The following MSRA variants were observed in gnomAD, a reference collection of about 807,000 sequenced individuals.
MSRA encodes methionine sulfoxide reductase A.
MSRA carries 54 observed loss-of-function variants against 31.3 expected under a neutral mutation model. The observed-to-expected ratio is 1.73, with a 90% CI of 1.39 to 2.17. MSRA has a LOEUF of 2.17. Among genes scored for constraint, MSRA ranks in the 30% most tolerant of loss-of-function variants. The pLI is 0.00. For synonymous variants in MSRA, 169 were observed against 116.5 expected (o/e 1.45, Z -2.90); for missense variants, 507 against 300.9 (o/e 1.69, Z -5.07).
At chr8:10,415,481 C>T (rs935665627) in intron 5 of MSRA, among the ~76,000 whole-genome samples, 1 of 152,080 alleles carries the variant, frequency 6.6e-6, no homozygotes, top group African/African-American at 2.4e-5. Context: ...CCCCTTGTAC[C>T]ACTGTGATTG....
At chr8:10,229,150 G>A (rs913573583) in intron 2 of MSRA, among the ~76,000 whole-genome samples, 3 of 152,176 alleles carry the variant, frequency 2.0e-5, no homozygotes, top group African/African-American at 7.2e-5. Context: ...CCTGCTGTGT[G>A]ACTCAGAGAC....
At chr8:10,126,436 C>G (rs1462214263) in intron 1 of MSRA, among the ~76,000 whole-genome samples, 1 of 152,196 alleles carries the variant, frequency 6.6e-6, no homozygotes, top group Non-Finnish European at 1.5e-5. Context: ...AGTTTTTCCA[C>G]AGACTGGGGG....
intron 2 of MSRA, among the ~76,000 whole-genome samples, chr8:10,233,775 A>G (rs1811698775): frequency 6.6e-6 from 1 of 152,252 alleles, no homozygotes; most frequent in Admixed American, 6.5e-5. Context: ...ATATTTGAGA[A>G]TATAATAGCT....
chr8:10,184,791 G>A (rs548061328), intron 1 of MSRA, among the ~76,000 whole-genome samples: 36 of 152,224 alleles, frequency 2.4e-4, no homozygotes, highest in South Asian at 1.0e-3. Flanking sequence ...ACACACAGTC[G>A]TATAACTGAC....
At chr8:10,188,801 C>T (rs1407339480) in intron 1 of MSRA, among the ~76,000 whole-genome samples, 2 of 152,190 alleles carry the variant, frequency 1.3e-5, no homozygotes, top group Non-Finnish European at 2.9e-5. Context: ...GTCCTGAAAT[C>T]AGGTAGTGGA....
At chr8:10,144,675 T>C (rs1213040048) in intron 1 of MSRA, among the ~76,000 whole-genome samples, 1 of 151,406 alleles carries the variant, frequency 6.6e-6, no homozygotes, top group South Asian at 2.1e-4. Context: ...TAATTCTGAT[T>C]GGCTAAATTA....
chr8:10,207,718 T>G (rs903312483), intron 1 of MSRA, 115 bp from the exon 2 acceptor site: 2 of 888,094 alleles, frequency 2.3e-6, no homozygotes, highest in African/African-American at 3.4e-5. Context: ...GAGGGTAAGC[T>G]TGGGTGCATT....
At chr8:10,084,816 G>A (rs892590986) in intron 1 of MSRA, among the ~76,000 whole-genome samples, 1 of 152,138 alleles carries the variant, frequency 6.6e-6, no homozygotes, top group African/African-American at 2.4e-5. Context: ...ATTTTAGAAT[G>A]TTTTTAATCT....
chr8:10,395,887 A>G (rs1251572107), intron 5 of MSRA, among the ~76,000 whole-genome samples: 1 of 152,204 alleles, frequency 6.6e-6, no homozygotes, highest in Non-Finnish European at 1.5e-5. Flanking sequence ...CCTTCTGTAC[A>G]AAAGCTGAAA....
intron 5 of MSRA, among the ~76,000 whole-genome samples, chr8:10,378,607 G>A (rs1222900000): frequency 6.6e-6 from 1 of 152,164 alleles, no homozygotes; most frequent in Non-Finnish European, 1.5e-5. Flanking sequence ...CACCACGTGG[G>A]CTCCTAACAT....
rs912113607 is a variant in MSRA at position 10,095,522 on chromosome 8, G to C, written c.142+40864G>C. ...CACAGCCTGGACCTCCGCCAAGACT[G>C]CTCGGAAGGTTGCCATACTGGGAGC... is the stretch of plus-strand genomic sequence containing the variant. On this transcript the variant is annotated intron_variant, in intron 1 of 5. Transcript: ENST00000317173. 90 of 985,384 alleles carry C rather than the reference G, an allele frequency of 9.1e-5. No individual in the cohort carries two copies. In the Admixed American group the frequency reaches 1.1e-3, roughly 12 times the overall value. The allele number at this position is 985,384 out of a possible 1,614,324, so 61.0% of individuals were successfully genotyped here.
chr8:10,257,039 G>C (rs1294351746), intron 3 of MSRA, among the ~76,000 whole-genome samples: 1 of 152,202 alleles, frequency 6.6e-6, no homozygotes, highest in East Asian at 1.9e-4. Context: ...CAGCATTTTA[G>C]TTATATCAGG....
intron 1 of MSRA, among the ~76,000 whole-genome samples, chr8:10,168,553 A>G (rs558110721): frequency 2.0e-5 from 3 of 152,300 alleles, no homozygotes; most frequent in South Asian, 4.1e-4. Flanking sequence ...TTTAAACAGT[A>G]CCATTTAAAC....
intron 1 of MSRA, among the ~76,000 whole-genome samples, chr8:10,192,339 C>T (rs1807581208): frequency 6.6e-6 from 1 of 152,218 alleles, no homozygotes; most frequent in South Asian, 2.1e-4. Context: ...CTCAAGTTCA[C>T]TGAGCCTTTC....
rs373121180 is a variant in MSRA, at chr8:10,332,451, T to TCCCC, written c.543+12465_543+12468dup. Among the ~76,000 whole-genome samples the TCCCC allele has an allele frequency of 1.9e-3, 276 of 146,358 alleles. 1 individual carries two copies. Among genetic ancestry groups the TCCCC allele is most frequent in the Middle Eastern group, 3.6e-3 (1 of 280 alleles). On this transcript the variant is annotated intron_variant, in intron 5 of 5. Transcript: ENST00000317173. Reference sequence around the variant, plus strand: ...GACTTACCTTAGTCAAAAAGAAAAATCCCCCCTCCCCACCGTATGCCTAGC... The same window carrying TCCCC: ...GACTTACCTTAGTCAAAAAGAAAAATCCCCCCCCCCTCCCCACCGTATGCCTAGC...
intron 3 of MSRA, among the ~76,000 whole-genome samples, chr8:10,283,135 C>A (rs1331781855): frequency 2.2e-5 from 3 of 138,154 alleles, no homozygotes; most frequent in African/African-American, 5.5e-5. Context: ...ACATTACACA[C>A]ACACACACAC....
At chr8:10,155,847 T>C (rs567901565) in intron 1 of MSRA, among the ~76,000 whole-genome samples, 2 of 152,080 alleles carry the variant, frequency 1.3e-5, no homozygotes, top group Admixed American at 6.6e-5. Context: ...ATAACAAATA[T>C]AGAAGGAGTT....
chr8:10,396,630 T>G (rs766294600), intron 5 of MSRA, among the ~76,000 whole-genome samples: 2 of 152,200 alleles, frequency 1.3e-5, no homozygotes, highest in Non-Finnish European at 2.9e-5. Flanking sequence ...AATCAGAACT[T>G]TCTGGAAGGA....
At chr8:10,114,173 A>T (rs1021364967) in intron 1 of MSRA, among the ~76,000 whole-genome samples, 4 of 152,136 alleles carry the variant, frequency 2.6e-5, no homozygotes, top group African/African-American at 9.7e-5. Context: ...ATAATAATCC[A>T]TTTTATTGAC....
Sources: allele counts gnomAD v4.1 joint callset (sites outside exome capture counted in the v4.1 genomes callset), GRCh38; gene constraint gnomAD v4.1.1; transcripts MANE v1.5; gene names NCBI Gene and HGNC (gene_info 2026-07-23, HGNC 2026-07-21).